The following CSMD1 variants were observed in gnomAD, a reference collection of about 807,000 sequenced individuals.
CSMD1 encodes the protein CUB and Sushi multiple domains 1, also known as CUB and sushi domain-containing protein 1.
Under a neutral mutation model 417.5 loss-of-function variants are expected in CSMD1, and 213 were observed. The observed-to-expected ratio is 0.51, with a 90% CI of 0.46 to 0.57. The LOEUF (loss-of-function observed/expected upper bound fraction) is 0.57, where lower values mean the gene tolerates loss of function less well. Among genes scored for constraint, CSMD1 ranks in the 20% least tolerant of loss-of-function variants. CSMD1 has a pLI of 0.00. For synonymous variants in CSMD1, 2,862 were observed against 1,736.8 expected (o/e 1.65, Z -16.11); for missense variants, 6,923 against 4,529.7 (o/e 1.53, Z -15.17).
chr8:3,035,986 A>G (rs1251052984), intron 50 of CSMD1, among the ~76,000 whole-genome samples: 2 of 152,200 alleles, frequency 1.3e-5, no homozygotes, highest in African/African-American at 2.4e-5. Flanking sequence ...ACCATTGACT[A>G]TGTTGATATG....
chr8:4,700,273 A>G (rs1807439628), intron 1 of CSMD1, among the ~76,000 whole-genome samples: 1 of 152,124 alleles, frequency 6.6e-6, no homozygotes, highest in South Asian at 2.1e-4. Context: ...GGTGAAACTC[A>G]AATTTTGTGA....
chr8:4,066,205 C>T (rs1484787310), intron 3 of CSMD1, among the ~76,000 whole-genome samples: 1 of 152,226 alleles, frequency 6.6e-6, no homozygotes, highest in Admixed American at 6.5e-5. Flanking sequence ...ACTGTTTCAA[C>T]TGCCAGTCAT....
chr8:4,325,813 C>G (rs930894680), intron 3 of CSMD1, among the ~76,000 whole-genome samples: 2 of 152,098 alleles, frequency 1.3e-5, no homozygotes, highest in Non-Finnish European at 2.9e-5. Context: ...GCTGATGACC[C>G]TGAGAACGAC....
chr8:4,920,936 A>G lies in CSMD1; in HGVS notation c.85+73396T>C, dbSNP rs1213794292. Among the ~76,000 whole-genome samples, 3 of 2,562 alleles carry G rather than the reference A, an allele frequency of 1.2e-3. 1 individual carries two copies. Among genetic ancestry groups the G allele is most frequent in the African/African-American group, 1.5e-3 (2 of 1,328 alleles). 1.7% of individuals were successfully genotyped at this position (2,562 alleles called of 152,430 possible). A position where few individuals can be genotyped will look rare whatever the true frequency, so the allele number is the denominator to read the frequency against. On this transcript the variant is annotated intron_variant, in intron 1 of 69. Coordinates refer to ENST00000635120, the MANE Select transcript of CSMD1 (RefSeq NM_033225.6). ...GAAAAGAAAAGAAAAGAAAGAGAGA[A>G]AGAAAGAAAGAAAGAAAGAAAGAAA... is the stretch of plus-strand genomic sequence containing the variant.
chr8:2,985,554 G>C lies in CSMD1; in HGVS notation c.8378-6754C>G, dbSNP rs191604110. Reference sequence around the variant, plus strand: ...TTACACAATGCATAGGCAATATATAGGCAATACTCCTTATAGTTTTCTTCT... The same window carrying C: ...TTACACAATGCATAGGCAATATATACGCAATACTCCTTATAGTTTTCTTCT... On this transcript the variant is annotated intron_variant, in intron 54 of 69. Coordinates refer to ENST00000635120, the MANE Select transcript of CSMD1 (RefSeq NM_033225.6). Among the ~76,000 whole-genome samples the C allele has an allele frequency of 8.3e-3, 1,266 of 152,246 alleles. 17 individuals carry two copies. The highest frequency in any genetic ancestry group is 9.8e-3 in the Non-Finnish European group (670 of 68,024).
At chr8:3,729,952 A>C (rs1416664820) in intron 6 of CSMD1, among the ~76,000 whole-genome samples, 143 of 13,110 alleles carry the variant, frequency 0.011, 16 homozygotes, top group African/African-American at 0.017. Context: ...AAAAAAAAAA[A>C]AAAAAAAAAC....
intron 1 of CSMD1, among the ~76,000 whole-genome samples, chr8:4,698,132 T>C: frequency 1.0e-5 from 1 of 99,162 alleles, no homozygotes; most frequent in South Asian, 3.6e-4. Flanking sequence ...CTTTGAATAC[T>C]GGGTTTTTTT....
At chr8:3,134,830 T>C (rs1184220238) in intron 41 of CSMD1, among the ~76,000 whole-genome samples, 2 of 152,190 alleles carry the variant, frequency 1.3e-5, no homozygotes, top group Admixed American at 6.5e-5. Context: ...TCATTTTTCT[T>C]ATCTGTGAAA....
At chr8:3,121,211 T>C (rs914146746) in intron 41 of CSMD1, among the ~76,000 whole-genome samples, 1 of 152,228 alleles carries the variant, frequency 6.6e-6, no homozygotes, top group African/African-American at 2.4e-5. Context: ...AAGCATACTA[T>C]GCAGTTGACA....
intron 3 of CSMD1, among the ~76,000 whole-genome samples, chr8:4,138,999 G>A (rs79038475): frequency 2.6e-5 from 4 of 151,902 alleles, no homozygotes; most frequent in African/African-American, 7.3e-5. Flanking sequence ...TTGACTGTAC[G>A]GCCACATGCA....
At chr8:3,755,729 G>A (rs1333547607) in intron 5 of CSMD1, among the ~76,000 whole-genome samples, 1 of 152,112 alleles carries the variant, frequency 6.6e-6, no homozygotes, top group Non-Finnish European at 1.5e-5. Context: ...GTTTAAAAAT[G>A]TACAGGATCC....
intron 46 of CSMD1, among the ~76,000 whole-genome samples, chr8:3,103,638 T>C (rs1028243970): frequency 6.6e-6 from 1 of 152,220 alleles, no homozygotes; most frequent in South Asian, 2.1e-4. Flanking sequence ...GTTCAAAACG[T>C]CATGCAGTGC....
At chr8:2,998,994 T>C (rs551254777) in intron 53 of CSMD1, among the ~76,000 whole-genome samples, 2 of 152,340 alleles carry the variant, frequency 1.3e-5, no homozygotes, top group African/African-American at 4.8e-5. Context: ...TAGGAAAATA[T>C]ACAATATTTC....
intron 2 of CSMD1, among the ~76,000 whole-genome samples, chr8:4,625,960 G>C (rs1428015732): frequency 2.0e-5 from 3 of 152,106 alleles, no homozygotes; most frequent in East Asian, 3.9e-4. Flanking sequence ...CTGACCTCTA[G>C]TGATCTGCCC....
At chr8:3,891,783 A>G (rs1356097217) in intron 5 of CSMD1, among the ~76,000 whole-genome samples, 1 of 152,138 alleles carries the variant, frequency 6.6e-6, no homozygotes, top group Non-Finnish European at 1.5e-5. Context: ...CGTCATTACT[A>G]TGTGATTTAG....
chr8:3,764,538 G>A (rs907441831), intron 5 of CSMD1, among the ~76,000 whole-genome samples: 3 of 152,056 alleles, frequency 2.0e-5, no homozygotes, highest in African/African-American at 7.2e-5. Context: ...ACATCACCAG[G>A]TGGGGAGTAC....
intron 3 of CSMD1, among the ~76,000 whole-genome samples, chr8:4,063,104 G>C (rs1030967250): frequency 6.6e-6 from 1 of 152,076 alleles, no homozygotes; most frequent in South Asian, 2.1e-4. Context: ...AGCACTGTAA[G>C]TTGACTATAG....
chr8:3,855,353 C>T (rs572600802), intron 5 of CSMD1, among the ~76,000 whole-genome samples: 118 of 152,110 alleles, frequency 7.8e-4, no homozygotes, highest in African/African-American at 2.7e-3. Flanking sequence ...CACTCACATC[C>T]TAATTTTAAT....
intron 3 of CSMD1, among the ~76,000 whole-genome samples, chr8:4,032,359 T>G (rs1052559381): frequency 6.6e-6 from 1 of 152,228 alleles, no homozygotes; most frequent in Non-Finnish European, 1.5e-5. Context: ...CCTGCTTTTA[T>G]TCAGTGTTCC....
Sources: gnomAD v4.1 joint callset for allele counts (sites outside exome capture counted in the v4.1 genomes callset) on GRCh38, gnomAD v4.1.1 for gene constraint, MANE v1.5 for transcripts, NCBI Gene and HGNC (gene_info 2026-07-23, HGNC 2026-07-21) for gene names.